Variants in MYBL2 observed in about 807,000 individuals in gnomAD.
MYBL2 encodes the protein myb-related protein B.
Under a neutral mutation model 79.9 loss-of-function variants are expected in MYBL2, and 28 were observed. That is an observed-to-expected ratio of 0.35 (90% CI 0.26 to 0.48). The LOEUF (loss-of-function observed/expected upper bound fraction) is 0.48. Among genes scored for constraint, MYBL2 ranks in the 20% least tolerant of loss-of-function variants. The pLI is 0.99. For missense variants in MYBL2, 735 were observed against 893.9 expected (o/e 0.82, Z 2.27); for synonymous variants, 378 against 361.2 (o/e 1.05, Z -0.53).
intron 2 of MYBL2, among the ~76,000 whole-genome samples, chr20:43,674,228 C>CA (rs1555809920): frequency 3.6e-5 from 4 of 111,818 alleles, no homozygotes; most frequent in Admixed American, 9.0e-5. Context: ...TGTAACTCCC[C>CA]CCACCCTTTT....
At chr20:43,711,453 G>C in intron 10 of MYBL2, 35 bp from the exon 11 acceptor site, 1 of 1,550,750 alleles carries the variant, frequency 6.4e-7, no homozygotes, top group Admixed American at 1.7e-5. Flanking sequence ...CCCGAGTGTG[G>C]TGCCTCACGT....
chr20:43,678,101 GCAGCATGCTCGTTAAGAGT>G (rs1236605913), intron 2 of MYBL2, among the ~76,000 whole-genome samples: 1 of 150,350 alleles, frequency 6.7e-6, no homozygotes, highest in Non-Finnish European at 1.5e-5. Flanking sequence ...ACGCTTGAAG[GCAGCATGCTCGTTAAGAGT>G]CATCACCACT....
At chr20:43,686,603 C>T (rs1176676296) in intron 4 of MYBL2, among the ~76,000 whole-genome samples, 2 of 152,176 alleles carry the variant, frequency 1.3e-5, no homozygotes, top group Non-Finnish European at 2.9e-5. Flanking sequence ...GAAAGGGTCT[C>T]TGGTATTCTT....
chr20:43,680,714 C>T (rs1987123163), intron 2 of MYBL2, among the ~76,000 whole-genome samples: 1 of 152,062 alleles, frequency 6.6e-6, no homozygotes, highest in Non-Finnish European at 1.5e-5. Context: ...AGGCTGGTCT[C>T]GAACCCCTGA....
chr20:43,700,929 G>A (rs939925982), intron 7 of MYBL2, among the ~76,000 whole-genome samples: 6 of 152,170 alleles, frequency 3.9e-5, no homozygotes, highest in Admixed American at 1.3e-4. Flanking sequence ...ACTGATTGCC[G>A]GAGCCAGTGC....
chr20:43,681,341 C>T (rs527406990), intron 2 of MYBL2, among the ~76,000 whole-genome samples: 2 of 152,164 alleles, frequency 1.3e-5, no homozygotes, highest in African/African-American at 2.4e-5. Flanking sequence ...ACTGTGACCA[C>T]CCACTCTTCA....
intron 13 of MYBL2, 96 bp downstream of exon 13, chr20:43,715,379 C>G: frequency 1.3e-6 from 2 of 1,564,312 alleles, no homozygotes; most frequent in Non-Finnish European, 1.7e-6. Context: ...CAGTGCCCGC[C>G]TTCTTAGCTC....
At chr20:43,706,143 CTG>C (rs1445369474) in intron 9 of MYBL2, among the ~76,000 whole-genome samples, 2 of 152,198 alleles carry the variant, frequency 1.3e-5, no homozygotes, top group East Asian at 3.9e-4. Context: ...TGATAATTTT[CTG>C]TCTCAGGAAT....
chr20:43,673,573 G>A, intron 1 of MYBL2: 1 of 584,016 alleles, frequency 1.7e-6, no homozygotes, highest in Admixed American at 2.2e-5. Flanking sequence ...GGAGTTCAAG[G>A]CTGCAGTGAG....
intron 2 of MYBL2, among the ~76,000 whole-genome samples, chr20:43,677,414 A>G (rs1283753594): frequency 6.6e-6 from 1 of 152,246 alleles, no homozygotes; most frequent in East Asian, 1.9e-4. Flanking sequence ...GAGGTTAAGG[A>G]AACTTATGTG....
intron 5 of MYBL2, among the ~76,000 whole-genome samples, chr20:43,690,537 CAG>C (rs1401804871): frequency 6.6e-6 from 1 of 152,114 alleles, no homozygotes; most frequent in African/African-American, 2.4e-5. Context: ...GCTGTAGGGA[CAG>C]AGGATCTGGG....
chr20:43,703,668 G>T (rs181234715), intron 8 of MYBL2, among the ~76,000 whole-genome samples: 78 of 152,296 alleles, frequency 5.1e-4, no homozygotes, highest in African/African-American at 1.6e-3. Context: ...CTCTCATTAG[G>T]TTTGTTCTTC....
At chr20:43,712,540 G>C (rs1329009459) in intron 11 of MYBL2, among the ~76,000 whole-genome samples, 1 of 152,188 alleles carries the variant, frequency 6.6e-6, no homozygotes, top group Admixed American at 6.5e-5. Context: ...ACCTGCTTCT[G>C]TGAGGTGCAC....
intron 7 of MYBL2, among the ~76,000 whole-genome samples, chr20:43,702,141 A>T (rs1249691345): frequency 6.6e-6 from 1 of 152,050 alleles, no homozygotes; most frequent in Non-Finnish European, 1.5e-5. Flanking sequence ...AAAAGTAAAA[A>T]ATAAAAAATT....
rs1318559093 is a variant in MYBL2, at chr20:43,693,761, AAAATT to A, written c.663+1443_663+1447del. Reference sequence around the variant, plus strand: ...TCTCTAAAGGTTATTTTTCAAAATAAAAATTTGGGTAGGGCGTGGTGGCTAACATC... The same window carrying A: ...TCTCTAAAGGTTATTTTTCAAAATAATGGGTAGGGCGTGGTGGCTAACATC... On this transcript the variant is annotated intron_variant, in intron 6 of 13. Transcript: ENST00000217026. Among the ~76,000 whole-genome samples the A allele has an allele frequency of 2.0e-5, 3 of 152,290 alleles. No homozygotes were observed. The South Asian group carries it at 6.2e-4, about 32-fold the overall frequency.
At chr20:43,706,542 C>T (rs372836783) in intron 9 of MYBL2, among the ~76,000 whole-genome samples, 7 of 151,666 alleles carry the variant, frequency 4.6e-5, no homozygotes, top group East Asian at 1.9e-4. Context: ...TACATAATTT[C>T]GGGAAAAGAT....
chr20:43,715,211 C>A lies in MYBL2; in HGVS notation c.1902C>A (p.Gly634=), dbSNP rs1451421461. 4 of 1,614,262 alleles carry A rather than the reference C, an allele frequency of 2.5e-6. No individual in the cohort carries two copies. Among genetic ancestry groups the A allele is most frequent in the Non-Finnish European group, 3.4e-6 (4 of 1,180,048 alleles). ...IKEDNSLLNQ[G]FLQAKPEKAA... is the part of the protein sequence containing the mutation. ...AAGACAACAGCTTGCTCAACCAGGG[C>A]TTCTTGCAGGCCAAGCCCGAGAAGG... The change falls in exon 13 of 14, where the codon GGC becomes GGA. Residue 634 remains glycine, a synonymous_variant. Transcript: ENST00000217026.
At chr20:43,702,156 G>A (rs952025603) in intron 7 of MYBL2, among the ~76,000 whole-genome samples, 2 of 152,040 alleles carry the variant, frequency 1.3e-5, no homozygotes, top group Non-Finnish European at 2.9e-5. Flanking sequence ...AAAATTAGCC[G>A]AGAATGGTGG....
At chr20:43,692,536 A>C (rs1036939711) in intron 6 of MYBL2, among the ~76,000 whole-genome samples, 6 of 152,202 alleles carry the variant, frequency 3.9e-5, no homozygotes, top group African/African-American at 1.4e-4. Flanking sequence ...AAAACTGTGA[A>C]TTAGTTAAGG....
Sources: gnomAD v4.1 joint callset for allele counts (sites outside exome capture counted in the v4.1 genomes callset) on GRCh38, gnomAD v4.1.1 for gene constraint, MANE v1.5 for transcripts, NCBI Gene and HGNC (gene_info 2026-07-23, HGNC 2026-07-21) for gene names.